The following MRTFB variants were observed in gnomAD, a reference collection of about 807,000 sequenced individuals.
The protein encoded by MRTFB is myocardin related transcription factor B.
In MRTFB, 29 loss-of-function variants were observed where a neutral mutation model predicts 104.2. The ratio of observed to expected loss-of-function variants is 0.28; its 90% confidence interval spans 0.21 to 0.38. MRTFB has a LOEUF of 0.38. MRTFB is among the 10% of genes least tolerant of loss of function. The pLI is 1.00. For synonymous variants in MRTFB, 535 were observed against 519.5 expected, an observed-to-expected ratio of 1.03 and a Z score of -0.41; for missense variants, 1,270 against 1,341.6, an observed-to-expected ratio of 0.95 and a Z score of 0.83.
chr16:14,054,379 G>A, the MRTFB span, among the ~76,000 whole-genome samples: 3 of 151,992 alleles, frequency 2.0e-5, no homozygotes, highest in Non-Finnish European at 4.4e-5. Context: ...ACCACGTCTG[G>A]CTAATTTTTG....
the MRTFB span, among the ~76,000 whole-genome samples, chr16:14,034,890 A>C: frequency 6.6e-6 from 1 of 152,002 alleles, no homozygotes; most frequent in Non-Finnish European, 1.5e-5. Context: ...GGAAGGCCCC[A>C]CCACCCCAGG....
chr16:14,064,128 G>A, the MRTFB span, among the ~76,000 whole-genome samples: 11 of 152,186 alleles, frequency 7.2e-5, no homozygotes, highest in East Asian at 1.9e-4. Context: ...CCACAGCCTC[G>A]TCAGCATCTG....
the MRTFB span, among the ~76,000 whole-genome samples, chr16:14,014,562 G>GAA: frequency 2.1e-5 from 3 of 144,840 alleles, no homozygotes; most frequent in African/African-American, 7.6e-5. Flanking sequence ...GTCTCAAAAA[G>GAA]AAAAAAAAAA....
intron 2 of MRTFB, among the ~76,000 whole-genome samples, chr16:14,122,065 T>C (rs894376885): frequency 7.9e-5 from 12 of 152,178 alleles, no homozygotes; most frequent in Non-Finnish European, 1.5e-4. Flanking sequence ...TCTCTGTTTC[T>C]TTGGCATGCA....
At chr16:14,183,513 G>T (rs1282310665) in intron 3 of MRTFB, among the ~76,000 whole-genome samples, 2 of 151,596 alleles carry the variant, frequency 1.3e-5, no homozygotes, top group African/African-American at 2.4e-5. Context: ...TTATGTGTTT[G>T]TTTTTTTTCT....
intron 1 of MRTFB, among the ~76,000 whole-genome samples, chr16:14,072,933 A>G (rs935542982): frequency 1.6e-4 from 25 of 152,176 alleles, no homozygotes; most frequent in African/African-American, 5.8e-4. Context: ...CCTAACAATT[A>G]CCATTGGTAA....
chr16:14,212,443 C>G, intron 5 of MRTFB, 34 bp downstream of exon 5: 2 of 1,577,364 alleles, frequency 1.3e-6, no homozygotes, highest in East Asian at 4.5e-5. Context: ...TTCTACTTCT[C>G]TCTCCTTCTC....
chr16:14,257,365 A>G (rs1597393304), intron 15 of MRTFB, among the ~76,000 whole-genome samples: 1 of 152,186 alleles, frequency 6.6e-6, no homozygotes, highest in Non-Finnish European at 1.5e-5. Context: ...CAATGAATAA[A>G]CAAACTGCTG....
chr16:14,018,966 A>C, the MRTFB span: 1 of 152,262 alleles, frequency 6.6e-6, no homozygotes, highest in East Asian at 1.9e-4. Context: ...ATCATTGGCT[A>C]TTCCTTCCTT....
At chr16:14,158,651 A>T (rs1006800200) in intron 3 of MRTFB, among the ~76,000 whole-genome samples, 2 of 152,230 alleles carry the variant, frequency 1.3e-5, no homozygotes, top group African/African-American at 4.8e-5. Flanking sequence ...GAATATGGCT[A>T]TAAAAGGTAT....
chr16:14,171,166 C>T (rs2150970596), intron 3 of MRTFB, among the ~76,000 whole-genome samples: 1 of 152,280 alleles, frequency 6.6e-6, no homozygotes, highest in East Asian at 1.9e-4. Flanking sequence ...TTGCCCCAGC[C>T]CTGGAGCCAG....
chr16:14,088,274 T>C (rs1398139313), intron 2 of MRTFB, among the ~76,000 whole-genome samples: 1 of 152,232 alleles, frequency 6.6e-6, no homozygotes, highest in Non-Finnish European at 1.5e-5. Flanking sequence ...CATTACCTCA[T>C]TTTGTTTTCA....
Position 14,252,011 on chromosome 16 carries a change from C to T in MRTFB, c.2553C>T (p.Asn851=). The change falls in exon 14 of 17, where the codon AAC becomes AAT. Residue 851 remains asparagine, a synonymous_variant. Coordinates refer to ENST00000571589, the MANE Select transcript of MRTFB (RefSeq NM_001308142.2). ...APLPSLQNGP[N]TPNKPSSPPP... is the part of the protein sequence containing the mutation. ...TTCCATCCCTGCAAAATGGACCTAA[C>T]ACACCCAACAAGGTAACCCTGTGAG... 6.2e-7 allele frequency: 1 copy of T among 1,614,100 alleles called. No homozygotes were observed. The highest frequency in any genetic ancestry group is 8.5e-7 in the Non-Finnish European group (1 of 1,180,002).
At chr16:14,218,735 T>C in intron 7 of MRTFB, 85 bp from the exon 8 acceptor site, 1 of 1,356,626 alleles carries the variant, frequency 7.4e-7, no homozygotes, top group Non-Finnish European at 1.0e-6. Context: ...TAAATTTTCA[T>C]AGGAAACAAT....
chr16:14,057,883 C>G, the MRTFB span, among the ~76,000 whole-genome samples: 1 of 152,228 alleles, frequency 6.6e-6, no homozygotes, highest in Non-Finnish European at 1.5e-5. Flanking sequence ...TAAGTGTGTT[C>G]CAGGTATTAT....
At chr16:14,227,108 G>A (rs1250037548) in intron 8 of MRTFB, among the ~76,000 whole-genome samples, 1 of 152,056 alleles carries the variant, frequency 6.6e-6, no homozygotes, top group East Asian at 1.9e-4. Context: ...CTATGGTTTG[G>A]ATGTTTGTCT....
intron 9 of MRTFB, among the ~76,000 whole-genome samples, chr16:14,236,075 G>A (rs2042489154): frequency 2.0e-5 from 3 of 152,134 alleles, no homozygotes; most frequent in Admixed American, 6.5e-5. Context: ...CCAGCTACTC[G>A]GAGGCTGAGG....
chr16:14,194,390 A>G (rs930699039), intron 3 of MRTFB, among the ~76,000 whole-genome samples: 1 of 152,202 alleles, frequency 6.6e-6, no homozygotes, highest in Non-Finnish European at 1.5e-5. Flanking sequence ...GTCTCTTCTC[A>G]TGAGGACACT....
chr16:14,178,709 T>C (rs2039667320), intron 3 of MRTFB, among the ~76,000 whole-genome samples: 1 of 152,124 alleles, frequency 6.6e-6, no homozygotes, highest in Admixed American at 6.6e-5. Flanking sequence ...GATGACTTAG[T>C]TGGGCTTTTC....
Sources: allele counts gnomAD v4.1 joint callset (sites outside exome capture counted in the v4.1 genomes callset), GRCh38; gene constraint gnomAD v4.1.1; transcripts MANE v1.5; gene names NCBI Gene and HGNC (gene_info 2026-07-23, HGNC 2026-07-21).